Variants in KLK14 observed in about 807,000 individuals in gnomAD.
KLK14 encodes the protein kallikrein related peptidase 14, also known as kallikrein-14.
KLK14 carries 21 observed loss-of-function variants against 24.6 expected under a neutral mutation model. The ratio of observed to expected loss-of-function variants is 0.85; its 90% CI spans 0.61 to 1.23. The LOEUF is 1.23. KLK14 is among the 50% of genes most tolerant of loss of function. KLK14 has a pLI of 0.00. For missense variants in KLK14, 320 were observed against 338.9 expected (o/e 0.94, Z 0.44); for synonymous variants, 133 against 139.7 (o/e 0.95, Z 0.34).
intron 3 of KLK14, among the ~76,000 whole-genome samples, 191 bp downstream of exon 3, chr19:51,081,341 T>G (rs10500304): frequency 0.44 from 66,720 of 152,036 alleles, 15,904 homozygotes; most frequent in African/African-American, 0.61. Context: ...TCAGAACCTA[T>G]GCTGAGTTCG....
chr19:51,081,140 C>A lies in KLK14; in HGVS notation c.212+392G>T, dbSNP rs189474525. On this transcript the variant is annotated intron_variant, in intron 3 of 5. Coordinates refer to ENST00000650543, the MANE Select transcript of KLK14 (RefSeq NM_001369775.2). ...TAGTTCTGGATTTATGGCTAGACTG[C>A]AGGTCCTGAACTGGGCTCTGAGTTC... is the stretch of plus-strand genomic sequence containing the variant. Among the ~76,000 whole-genome samples, 9 of 152,320 alleles carry A rather than the reference C, an allele frequency of 5.9e-5. No individual in the cohort carries two copies. The East Asian group carries it at 1.4e-3, about 23-fold the overall frequency.
chr19:51,078,900 T>C lies in KLK14; in HGVS notation c.518A>G (p.Glu173Gly), dbSNP rs187905695. The C allele has an allele frequency of 6.4e-4, 1,030 of 1,613,992 alleles. 14 individuals carry two copies. In the African/African-American group the frequency reaches 0.012, roughly 19 times the overall value. Residue 173 changes from glutamate to glycine, a missense_variant, in exon 5 of 6, where the codon GAG (glutamate) becomes GGG (glycine). By Grantham distance (98) the Glu-to-Gly change is moderately conservative. Coordinates refer to ENST00000650543, the MANE Select transcript of KLK14 (RefSeq NM_001369775.2). This position sits in a 1 kb window ranked among gnomAD's most constrained non-coding sequence, Gnocchi z 5.0. ...TCTAGGATAGGCCTTCTGGCACACC[T>C]CATCCGGGGAGATGTTGATGTTCAC... is the stretch of plus-strand genomic sequence containing the variant. ...QCVNINISPD[E>G]VCQKAYPRTI...
At chr19:51,083,506 G>A (rs2091853846), upstream of KLK14, among the ~76,000 whole-genome samples, 1 of 152,008 alleles carries the variant, frequency 6.6e-6, no homozygotes, top group Admixed American at 6.6e-5. Context: ...AAGAGACAGA[G>A]AGAGACTGGG....
upstream of KLK14, chr19:51,082,969 C>T (rs939090090): frequency 1.7e-6 from 1 of 590,398 alleles, no homozygotes; most frequent in African/African-American, 1.9e-5. Context: ...CTGCTTCTGA[C>T]ATTTTTTTTT....
intron 2 of KLK14, 101 bp downstream of exon 2, chr19:51,082,474 A>G: frequency 9.4e-7 from 1 of 1,063,010 alleles, no homozygotes. Flanking sequence ...GCTCTTTCTT[A>G]TGAGGTCACC....
chr19:51,082,843 T>TC lies in KLK14; in HGVS notation c.-145dup. The TC allele has an allele frequency of 7.3e-7, 1 of 1,368,962 alleles. No individual in the cohort carries two copies. The highest frequency in any genetic ancestry group is 1.0e-6 in the Non-Finnish European group (1 of 981,230). 84.8% of individuals were successfully genotyped at this position (1,368,962 alleles called of 1,614,324 possible). ...GGGAGGATGTGGAGCAGGGCACAGG[T>TC]CCCTCCTTGATGTCTTGATGAAGGA... On this transcript the variant is annotated 5_prime_UTR_variant, in exon 1 of 6. Coordinates refer to ENST00000650543, the MANE Select transcript of KLK14 (RefSeq NM_001369775.2).
chr19:51,082,718 T>G lies in KLK14; in HGVS notation c.-23+4A>C. ...GAGAGGCAGAGACAGCAAGGGGCACTTACCCAGAGCCCAAGACCCTCAGGG... is the reference window on the plus strand; with the variant it reads ...GAGAGGCAGAGACAGCAAGGGGCACGTACCCAGAGCCCAAGACCCTCAGGG... On this transcript the variant is annotated splice_donor_region_variant and intron_variant, in intron 1 of 5. Transcript: ENST00000650543. 1 of 1,613,912 alleles carries G rather than the reference T, an allele frequency of 6.2e-7. No homozygotes were observed.
Position 51,078,470 on chromosome 19 carries a change from C to G in KLK14, c.604-311G>C, listed in dbSNP as rs1157174768. Among the ~76,000 whole-genome samples the G allele has an allele frequency of 6.6e-6, 1 of 152,168 alleles. No individual in the cohort carries two copies. The highest frequency in any genetic ancestry group is 1.5e-5 in the Non-Finnish European group (1 of 68,020). On this transcript the variant is annotated intron_variant, in intron 5 of 5. Transcript: ENST00000650543. This position sits in a 1 kb window ranked among gnomAD's most constrained non-coding sequence, Gnocchi z 5.0. ...TCTATTTCCCCATCTCTGCCTCCCT[C>G]AAGGATGCATTAAGATTTCTAGAAG... is the stretch of plus-strand genomic sequence containing the variant.
rs1052449940 is a variant in KLK14, at chr19:51,078,384, G to C, written c.604-225C>G. The stretch of plus-strand genomic sequence containing the variant: ...CTCTGTGTGCACCTGCCTGTCCCTT[G>C]AATCTCACCAGGCCCCTCTCTGTTC... On this transcript the variant is annotated intron_variant, in intron 5 of 5. Transcript: ENST00000650543. This position sits in a 1 kb window ranked among gnomAD's most constrained non-coding sequence, Gnocchi z 5.0. Among the ~76,000 whole-genome samples, 1 of 152,152 alleles carries C rather than the reference G, an allele frequency of 6.6e-6. No homozygotes were observed. The highest frequency in any genetic ancestry group is 2.4e-5 in the African/African-American group (1 of 41,434).
intron 3 of KLK14, among the ~76,000 whole-genome samples, chr19:51,080,169 G>T (rs867192): frequency 0.17 from 23,801 of 142,394 alleles, 2,196 homozygotes; most frequent in Middle Eastern, 0.35. Flanking sequence ...ATTATGACTT[G>T]ATTTATTTAT....
At chr19:51,082,113 A>G (rs2091843571) in intron 2 of KLK14, among the ~76,000 whole-genome samples, 1 of 150,438 alleles carries the variant, frequency 6.6e-6, no homozygotes, top group African/African-American at 2.5e-5. Context: ...GTGGGACCCC[A>G]AGGATCCGCC....
intron 2 of KLK14, among the ~76,000 whole-genome samples, 186 bp from the exon 3 acceptor site, chr19:51,081,889 G>C (rs1393468461): frequency 6.6e-6 from 1 of 152,080 alleles, no homozygotes; most frequent in Non-Finnish European, 1.5e-5. Flanking sequence ...CCAGCACGGA[G>C]AGCTTTCTGA....
At position 51,079,521 on chromosome 19, in the gene KLK14, C is replaced by T; in HGVS notation, c.394G>A (p.Val132Ile). 2 of 1,613,904 alleles carry T rather than the reference C, an allele frequency of 1.2e-6. No individual in the cohort carries two copies. The highest frequency in any genetic ancestry group is 3.3e-5 in the Admixed American group (2 of 60,020). Reference sequence around the variant, plus strand: ...CCGGGGCTGGCACAGGCCTGGGTGACCTCAATGGGCCTGACTGCCCTCCCG... The same window carrying T: ...CCGGGGCTGGCACAGGCCTGGGTGATCTCAATGGGCCTGACTGCCCTCCCG... ...RIGRAVRPIE[V>I]TQACASPGTS... Residue 132 changes from valine (V) to isoleucine (I), a missense_variant, in exon 4 of 6, where the codon GTC becomes ATC. Physicochemically the swap from Val to Ile is conservative, Grantham distance 29. Transcript: ENST00000650543.
upstream of KLK14, among the ~76,000 whole-genome samples, chr19:51,083,662 C>T (rs541678033): frequency 6.0e-5 from 9 of 150,334 alleles, no homozygotes; most frequent in African/African-American, 7.3e-5. Flanking sequence ...AAGAGGCAGA[C>T]GGTGGGAAAA....
chr19:51,082,932 C>A (rs1200623712), upstream of KLK14: 2 of 678,010 alleles, frequency 2.9e-6, no homozygotes, highest in Non-Finnish European at 5.0e-6. Context: ...GTAAGGACAG[C>A]TGGCCCTGCC....
In KLK14 at chr19:51,081,565, TG is replaced by T; in HGVS notation, c.178del (p.Gln60SerfsTer23). 2 of 1,543,890 alleles carry T rather than the reference TG, an allele frequency of 1.3e-6. No individual in the cohort carries two copies. The highest frequency in any genetic ancestry group is 1.8e-6 in the Non-Finnish European group (2 of 1,142,402). ...GCAGTGAGCAGCAGTGATGACCCACTGGCCTGAAAGCAGGGCGCCTCCGCAG... is the reference window on the plus strand; with the variant it reads ...GCAGTGAGCAGCAGTGATGACCCACTGCCTGAAAGCAGGGCGCCTCCGCAG... ...FLCGGALLSG[Q>X]WVITAAHCGR... On this transcript the variant is annotated frameshift_variant, in exon 3 of 6. Coordinates refer to ENST00000650543, the MANE Select transcript of KLK14 (RefSeq NM_001369775.2). LOFTEE classifies it high-confidence loss of function.
chr19:51,083,440 CAG>C (rs556104708), upstream of KLK14, among the ~76,000 whole-genome samples: 16 of 141,484 alleles, frequency 1.1e-4, no homozygotes, highest in African/African-American at 2.7e-4. Flanking sequence ...CAGAGAGACA[CAG>C]AGAGAGAGAG....
chr19:51,079,835 G>A (rs1335982430), intron 3 of KLK14, 133 bp from the exon 4 acceptor site: 11 of 1,347,432 alleles, frequency 8.2e-6, no homozygotes, highest in East Asian at 5.1e-5. Flanking sequence ...ACTGCAGGCC[G>A]AGCATTCTTG....
At chr19:51,080,368 AG>A (rs1599797520) in intron 3 of KLK14, among the ~76,000 whole-genome samples, 1 of 151,940 alleles carries the variant, frequency 6.6e-6, no homozygotes, top group African/African-American at 2.4e-5. Context: ...ATTGGATTAT[AG>A]GGCTCTTGGT....
Sources: gnomAD v4.1 joint callset for allele counts (sites outside exome capture counted in the v4.1 genomes callset) on GRCh38, gnomAD v4.1.1 for gene constraint, Gnocchi (gnomAD v3.1) non-coding constraint, MANE v1.5 for transcripts, NCBI Gene and HGNC (gene_info 2026-07-23, HGNC 2026-07-21) for gene names.